The following MRPS21 variants were observed in gnomAD, a reference collection of about 807,000 sequenced individuals.
MRPS21 encodes the protein small ribosomal subunit protein bS21m.
MRPS21 carries 8 observed loss-of-function variants against 9.9 expected under a neutral mutation model. The observed-to-expected ratio is 0.81, with a 90% CI of 0.47 to 1.45. The LOEUF (loss-of-function observed/expected upper bound fraction) is 1.45. Ranked by LOEUF, MRPS21 falls within the 40% of genes most tolerant of loss-of-function variation. The probability of loss-of-function intolerance (pLI) is 0.00; values close to 1 mark genes in which losing one functional copy is unlikely to be tolerated. For synonymous variants in MRPS21, 40 were observed against 40.3 expected (o/e 0.99, Z 0.03); for missense variants, 101 against 118.9 (o/e 0.85, Z 0.70).
chr1:150,307,345 GTC>G (rs1171534405), intron 2 of MRPS21, among the ~76,000 whole-genome samples: 54,054 of 132,562 alleles, frequency 0.41, 11,667 homozygotes, highest in East Asian at 0.68. Context: ...ACTGTGCCCA[GTC>G]CTTTTTTTTT....
At chr1:150,295,498 AG>A (rs1553856386) in intron 2 of MRPS21, among the ~76,000 whole-genome samples, 1 of 152,254 alleles carries the variant, frequency 6.6e-6, no homozygotes, top group Non-Finnish European at 1.5e-5. Flanking sequence ...GACTTAAAAA[AG>A]AGCCCAAATG....
At chr1:150,298,679 G>C (rs781831390) in intron 2 of MRPS21, among the ~76,000 whole-genome samples, 5 of 152,150 alleles carry the variant, frequency 3.3e-5, no homozygotes, top group Non-Finnish European at 7.3e-5. Context: ...TCTGCTCACT[G>C]TGACCTCCGC....
At chr1:150,294,291 GT>G in intron 1 of MRPS21, 43 bp from the exon 2 acceptor site, 1 of 1,358,866 alleles carries the variant, frequency 7.4e-7, no homozygotes, top group Non-Finnish European at 1.0e-6. Flanking sequence ...ATTATGTTGC[GT>G]TTCTCTTTCT....
chr1:150,296,958 A>T (rs1553856658), intron 2 of MRPS21, among the ~76,000 whole-genome samples: 2 of 152,164 alleles, frequency 1.3e-5, no homozygotes, highest in African/African-American at 4.8e-5. Context: ...AGAGAGTTCT[A>T]GGTGTGGAAG....
chr1:150,300,890 AGAG>A (rs1186583532), intron 2 of MRPS21, among the ~76,000 whole-genome samples: 1 of 152,172 alleles, frequency 6.6e-6, no homozygotes, highest in Non-Finnish European at 1.5e-5. Flanking sequence ...TTAAGAAAGA[AGAG>A]GAGTGGTTAG....
At chr1:150,295,741 A>AAC (rs1653892623) in intron 2 of MRPS21, among the ~76,000 whole-genome samples, 1 of 151,940 alleles carries the variant, frequency 6.6e-6, no homozygotes, top group Non-Finnish European at 1.5e-5. Context: ...GTTCAAGACC[A>AAC]ATCTGGTAAA....
intron 2 of MRPS21, chr1:150,303,898 T>C (rs1359386916): frequency 2.2e-6 from 1 of 455,984 alleles, no homozygotes; most frequent in Non-Finnish European, 4.4e-6. Flanking sequence ...ATACATTTCC[T>C]AGTTGTTCTT....
chr1:150,299,884 GC>G (rs11323710), intron 2 of MRPS21, among the ~76,000 whole-genome samples: 71,743 of 151,852 alleles, frequency 0.47, 17,976 homozygotes, highest in East Asian at 0.76. Flanking sequence ...TTCAACCCTG[GC>G]TGCCTATTAG....
Position 150,308,054 on chromosome 1 carries a change from C to T in MRPS21, c.90C>T (p.Leu30=). 3.2e-6 allele frequency: 5 copies of T among 1,578,800 alleles called. No homozygotes were observed. The highest frequency in any genetic ancestry group is 1.1e-5 in the South Asian group (1 of 89,462). The change falls in exon 3 of 3, where the codon CTC becomes CTT. Residue 30 remains leucine, a synonymous_variant. Transcript: ENST00000614145. ...ESAYRTLNRI[L]TMDGLIEDIK... ...ATTGCTTGCCTTTATACAGAATCCT[C>T]ACTATGGATGGGCTCATTGAGGACA...
chr1:150,306,799 G>A (rs1023228491), intron 2 of MRPS21, among the ~76,000 whole-genome samples: 1 of 151,986 alleles, frequency 6.6e-6, no homozygotes, highest in Non-Finnish European at 1.5e-5. Context: ...TGACAGGATG[G>A]AACTTTAAGT....
intron 2 of MRPS21, among the ~76,000 whole-genome samples, chr1:150,295,294 C>A (rs782595795): frequency 2.6e-5 from 4 of 152,168 alleles, no homozygotes; most frequent in African/African-American, 9.7e-5. Flanking sequence ...CAGCGCCCGG[C>A]CCCGCTTTTT....
intron 2 of MRPS21, among the ~76,000 whole-genome samples, chr1:150,303,590 T>C (rs587593922): frequency 1.3e-5 from 2 of 152,318 alleles, no homozygotes; most frequent in South Asian, 2.1e-4. Flanking sequence ...TAGAGCACTT[T>C]ACTAAAGACC....
chr1:150,308,126 G>T lies in MRPS21; in HGVS notation c.162G>T (p.Arg54Ser). ...YYEKPCCRRQ[R>S]ESYERCRRIY... Reference sequence around the variant, plus strand: ...AGAAGCCATGCTGCCGGCGACAGAGGGAAAGCTATGAAAGGTGCCGGCGGA... The same window carrying T: ...AGAAGCCATGCTGCCGGCGACAGAGTGAAAGCTATGAAAGGTGCCGGCGGA... The change falls in exon 3 of 3, where the codon AGG (arginine) becomes AGT (serine). Residue 54 changes from arginine (R) to serine (S), a missense_variant. Physicochemically the swap from Arg to Ser is moderately radical, Grantham distance 110. Transcript: ENST00000614145. 1.9e-6 allele frequency: 3 copies of T among 1,609,136 alleles called. No homozygotes were observed. Among genetic ancestry groups the T allele is most frequent in the Non-Finnish European group, 2.6e-6 (3 of 1,175,804 alleles).
chr1:150,307,348 C>CATTTTTT lies in MRPS21; in HGVS notation c.84-700_84-699insATTTTTT, dbSNP rs1654376892. On this transcript the variant is annotated intron_variant, in intron 2 of 2. Transcript: ENST00000614145. ...CAGGCATGAGTCACTGTGCCCAGTC[C>CATTTTTT]TTTTTTTTTTTTTTTTTTTTTTCCT... 4.3e-4 allele frequency among the ~76,000 whole-genome samples: 38 copies of CATTTTTT among 87,516 alleles called. 1 individual carries two copies. The highest frequency in any genetic ancestry group is 1.1e-3 in the African/African-American group (25 of 22,558). 57.4% of individuals were successfully genotyped at this position (87,516 alleles called of 152,430 possible).
chr1:150,303,383 C>A (rs1654214913), intron 2 of MRPS21, among the ~76,000 whole-genome samples: 1 of 151,580 alleles, frequency 6.6e-6, no homozygotes, highest in Non-Finnish European at 1.5e-5. Context: ...CAGTATTAAA[C>A]ACAAAGTCTC....
At chr1:150,307,867 C>T (rs1654400289) in intron 2 of MRPS21, among the ~76,000 whole-genome samples, 181 bp from the exon 3 acceptor site, 1 of 152,202 alleles carries the variant, frequency 6.6e-6, no homozygotes, top group Non-Finnish European at 1.5e-5. Flanking sequence ...TGAGCCACTG[C>T]ACCCGGCCCA....
chr1:150,305,860 A>G (rs1328795546), intron 2 of MRPS21, among the ~76,000 whole-genome samples: 4 of 124,066 alleles, frequency 3.2e-5, no homozygotes, highest in Middle Eastern at 4.5e-3. Flanking sequence ...ATTAAAAGAT[A>G]TATATATAGG....
chr1:150,295,739 C>G (rs1285962742), intron 2 of MRPS21, among the ~76,000 whole-genome samples: 2 of 151,428 alleles, frequency 1.3e-5, no homozygotes, highest in Non-Finnish European at 2.9e-5. Flanking sequence ...GAGTTCAAGA[C>G]CAATCTGGTA....
intron 2 of MRPS21, among the ~76,000 whole-genome samples, chr1:150,295,465 T>C (rs1162011416): frequency 6.6e-6 from 1 of 152,290 alleles, no homozygotes; most frequent in African/African-American, 2.4e-5. Context: ...ACTCCTTTTA[T>C]GAGGAACCTG....
Sources: allele counts gnomAD v4.1 joint callset (sites outside exome capture counted in the v4.1 genomes callset), GRCh38; gene constraint gnomAD v4.1.1; transcripts MANE v1.5; gene names NCBI Gene and HGNC (gene_info 2026-07-23, HGNC 2026-07-21).